SHISA7: variants seen among roughly 807,000 people sequenced by gnomAD.
SHISA7 encodes the protein shisa family member 7, also known as protein shisa-7.
In SHISA7, 6 loss-of-function variants were observed where a neutral mutation model predicts 23.9. That is an observed-to-expected ratio of 0.25 (90% CI 0.14 to 0.50). SHISA7 has a LOEUF of 0.50. SHISA7 is among the 20% of genes least tolerant of loss of function. SHISA7 has a pLI of 0.98. For synonymous variants in SHISA7, 386 were observed against 398.3 expected (o/e 0.97, Z 0.37); for missense variants, 671 against 801.1 (o/e 0.84, Z 1.96).
At position 55,433,387 on chromosome 19, in the gene SHISA7, TG is replaced by T. The variant is rs1234226395; in HGVS notation, c.1385del (p.Pro462GlnfsTer75). 7.5e-7 allele frequency: 1 copy of T among 1,332,582 alleles called. No individual in the cohort carries two copies. Among genetic ancestry groups the T allele is most frequent in the Non-Finnish European group, 9.5e-7 (1 of 1,050,554 alleles). The allele number at this position is 1,332,582 out of a possible 1,614,324, so 82.5% of individuals were successfully genotyped here. A position where few individuals can be genotyped will look rare whatever the true frequency, so the allele number is the denominator to read the frequency against. Reference sequence around the variant, plus strand: ...GTGGCGGCAGCCCGCGCAGCGGTGTTGGGGGCCCCCCGGGCCCCAGCAGCAG... The same window carrying T: ...GTGGCGGCAGCCCGCGCAGCGGTGTTGGGGCCCCCCGGGCCCCAGCAGCAG... ...SNLLLGPGGP[P>X]TPLRGLPPPS... On this transcript the variant is annotated frameshift_variant, in exon 4 of 4. Transcript: ENST00000376325. LOFTEE classifies it low-confidence loss of function (END_TRUNC). The surrounding 1 kb of genome is among the most constrained non-coding windows in gnomAD (Gnocchi z 8.4).
chr19:55,438,731 C>G, intron 2 of SHISA7: 2 of 833,694 alleles, frequency 2.4e-6, no homozygotes, highest in Non-Finnish European at 1.8e-6. Flanking sequence ...GTCGGCCCCA[C>G]ATGCAGGACC....
rs1985118749 is a variant in SHISA7, at chr19:55,429,518, C to T, written c.*3638G>A. On this transcript the variant is annotated 3_prime_UTR_variant, in exon 4 of 4. Transcript: ENST00000376325. Reference sequence around the variant, plus strand: ...CCCCATTTCCTCAGTGTGGTGGGAACCAAGGGCCAGTTGTCTGCCCCAAGC... The same window carrying T: ...CCCCATTTCCTCAGTGTGGTGGGAATCAAGGGCCAGTTGTCTGCCCCAAGC... The T allele has an allele frequency of 6.6e-6, 1 of 152,162 alleles. No homozygotes were observed. Among genetic ancestry groups the T allele is most frequent in the African/African-American group, 2.4e-5 (1 of 41,406 alleles). The allele number at this position is 152,162 out of a possible 1,614,324, so 9.4% of individuals were successfully genotyped here.
In SHISA7 at chr19:55,433,571, G is replaced by A. The variant is rs1373798173; in HGVS notation, c.1202C>T (p.Thr401Met). ...GDGGRSRYEFTLPRARLVSQE... is the reference protein window; with the variant it reads ...GDGGRSRYEFMLPRARLVSQE... Reference sequence around the variant, plus strand: ...CGACACCAGGCGCGCGCGCGGCAGCGTGAACTCGTAGCGCGAACGGCCACC... The same window carrying A: ...CGACACCAGGCGCGCGCGCGGCAGCATGAACTCGTAGCGCGAACGGCCACC... Residue 401 changes from threonine (T) to methionine (M), a missense_variant, in exon 4 of 4, where the codon ACG becomes ATG. Coordinates refer to ENST00000376325, the MANE Select transcript of SHISA7 (RefSeq NM_001145176.2). This position sits in a 1 kb window ranked among gnomAD's most constrained non-coding sequence, Gnocchi z 8.4. 7 of 1,497,310 alleles carry A rather than the reference G, an allele frequency of 4.7e-6. No individual in the cohort carries two copies. Among genetic ancestry groups the A allele is most frequent in the Non-Finnish European group, 5.3e-6 (6 of 1,129,512 alleles). The allele number at this position is 1,497,310 out of a possible 1,614,324, so 92.8% of individuals were successfully genotyped here. A position where few individuals can be genotyped will look rare whatever the true frequency, so the allele number is the denominator to read the frequency against.
rs1178202239 is a variant in SHISA7, at chr19:55,432,789, A to G, written c.*367T>C. On this transcript the variant is annotated 3_prime_UTR_variant, in exon 4 of 4. Coordinates refer to ENST00000376325, the MANE Select transcript of SHISA7 (RefSeq NM_001145176.2). This position sits in a 1 kb window ranked among gnomAD's most constrained non-coding sequence, Gnocchi z 4.6. ...CCACAAGAAGGAAGCCTCTGAGGAC[A>G]CCATAGAACATGGACATGGCCTCCA... 3 of 198,144 alleles carry G rather than the reference A, an allele frequency of 1.5e-5. No individual in the cohort carries two copies. Among genetic ancestry groups the G allele is most frequent in the Non-Finnish European group, 3.1e-5 (3 of 97,702 alleles). The allele number at this position is 198,144 out of a possible 1,614,324, so 12.3% of individuals were successfully genotyped here. A position where few individuals can be genotyped will look rare whatever the true frequency, so the allele number is the denominator to read the frequency against.
At chr19:55,437,456 C>G in intron 3 of SHISA7, 149 bp downstream of exon 3, 2 of 1,045,322 alleles carry the variant, frequency 1.9e-6, no homozygotes, top group Non-Finnish European at 2.6e-6. Context: ...ACAAAAGTAC[C>G]ACAGGTAATT....
rs960408639 is a variant in SHISA7, at chr19:55,431,591, G to C, written c.*1565C>G. ...ATCCTGGGGAAGGATTCCATCCTCA[G>C]ACATGGGTAACACTTGACCCCGGGT... On this transcript the variant is annotated 3_prime_UTR_variant, in exon 4 of 4. Coordinates refer to ENST00000376325, the MANE Select transcript of SHISA7 (RefSeq NM_001145176.2). 1 of 152,134 alleles carries C rather than the reference G, an allele frequency of 6.6e-6. No homozygotes were observed. The highest frequency in any genetic ancestry group is 2.4e-5 in the African/African-American group (1 of 41,368). The allele number at this position is 152,134 out of a possible 1,614,324, so 9.4% of individuals were successfully genotyped here.
In SHISA7 at chr19:55,433,777, C is replaced by A. The variant is rs754421920; in HGVS notation, c.996G>T (p.Glu332Asp). Residue 332 changes from glutamate (E) to aspartate (D), a missense_variant, in exon 4 of 4, where the codon GAG becomes GAT. By Grantham distance (45) the Glu-to-Asp change is conservative. This residue lies in a region of SHISA7 where 457 missense variants were observed against 488.3 expected (regional missense o/e 0.94). Coordinates refer to ENST00000376325, the MANE Select transcript of SHISA7 (RefSeq NM_001145176.2). This position sits in a 1 kb window ranked among gnomAD's most constrained non-coding sequence, Gnocchi z 8.4. ...CCAGGGGCCGGCGCTTCAGGTAGGC[C>A]TCGTCCAGATCCTTCTCGGCTGCGG... ...LKRLAEKDLD[E>D]AYLKRRPLEL... 3 of 1,436,546 alleles carry A rather than the reference C, an allele frequency of 2.1e-6. No individual in the cohort carries two copies. The highest frequency in any genetic ancestry group is 2.8e-5 in the South Asian group (2 of 71,024). The allele number at this position is 1,436,546 out of a possible 1,614,324, so 89.0% of individuals were successfully genotyped here. A position where few individuals can be genotyped will look rare whatever the true frequency, so the allele number is the denominator to read the frequency against.
chr19:55,433,735 C>A lies in SHISA7; in HGVS notation c.1038G>T (p.Thr346=), dbSNP rs1203199159. The part of the protein sequence containing the change: ...KRRPLELPRG[T]LPLHALRRPG... ...GCCGCCGCAGCGCGTGCAGGGGCAG[C>A]GTGCCGCGGGGCAATTCCAGGGGCC... The change falls in exon 4 of 4, where the codon ACG becomes ACT. Residue 346 remains threonine, a synonymous_variant. Coordinates refer to ENST00000376325, the MANE Select transcript of SHISA7 (RefSeq NM_001145176.2). This position sits in a 1 kb window ranked among gnomAD's most constrained non-coding sequence, Gnocchi z 8.4. 2.7e-6 allele frequency: 4 copies of A among 1,466,032 alleles called. No individual in the cohort carries two copies. The highest frequency in any genetic ancestry group is 3.6e-6 in the Non-Finnish European group (4 of 1,117,506). The allele number at this position is 1,466,032 out of a possible 1,614,324, so 90.8% of individuals were successfully genotyped here.
At chr19:55,442,155 C>T (rs960140705) in intron 1 of SHISA7, 38 bp downstream of exon 1, 55 of 1,494,720 alleles carry the variant, frequency 3.7e-5, no homozygotes, top group Admixed American at 8.4e-5. Context: ...TGGGCCCCGC[C>T]CCAGGCTCGC....
At chr19:55,435,117 T>A (rs796205798) in intron 3 of SHISA7, among the ~76,000 whole-genome samples, 1 of 124,128 alleles carries the variant, frequency 8.1e-6, no homozygotes. Context: ...GTGTGTGGTG[T>A]GTGTGGTGTG....
rs1464450001 is a variant in SHISA7 at position 55,442,323 on chromosome 19, G to A, written c.541C>T (p.Pro181Ser). The A allele has an allele frequency of 2.0e-6, 3 of 1,493,052 alleles. No individual in the cohort carries two copies. Among genetic ancestry groups the A allele is most frequent in the African/African-American group, 2.9e-5 (2 of 68,664 alleles). 92.5% of individuals were successfully genotyped at this position (1,493,052 alleles called of 1,614,324 possible). Reference protein sequence around the residue: ...GGAGGRGGEGPGGSTAYVVCG... With the variant: ...GGAGGRGGEGSGGSTAYVVCG... ...ACGACGTAGGCTGTGCTGCCCCCGG[G>A]GCCCTCGCCCCCGCGGCCCCCGGCA... The change falls in exon 1 of 4, where the codon CCC becomes TCC. Residue 181 changes from proline to serine, a missense_variant. By Grantham distance (74) the Pro-to-Ser change is moderately conservative. Coordinates refer to ENST00000376325, the MANE Select transcript of SHISA7 (RefSeq NM_001145176.2).
chr19:55,434,384 GGTGTGTGGTT>G (rs1985310450), intron 3 of SHISA7, among the ~76,000 whole-genome samples: 1 of 127,302 alleles, frequency 7.9e-6, no homozygotes. Flanking sequence ...TGTGTATGTG[GGTGTGTGGTT>G]TGTGTGTGGT....
In SHISA7 at chr19:55,440,616, T is replaced by C. The variant is rs1187385674; in HGVS notation, c.821A>G (p.Asn274Ser). The C allele has an allele frequency of 2.4e-6, 3 of 1,249,316 alleles. No homozygotes were observed. The African/African-American group carries it at 4.7e-5, about 19-fold the overall frequency. The allele number at this position is 1,249,316 out of a possible 1,614,324, so 77.4% of individuals were successfully genotyped here. The change falls in exon 2 of 4, where the codon AAC becomes AGC. Residue 274 changes from asparagine (N) to serine (S), a missense_variant. By Grantham distance (46) the Asn-to-Ser change is conservative. Coordinates refer to ENST00000376325, the MANE Select transcript of SHISA7 (RefSeq NM_001145176.2). ...KNLYNTVKTP[N>S]LDWRALPPPS... is the part of the protein sequence containing the mutation. ...GGATCCCACGTTCCACTCACCGAGG[T>C]TGGGGGTCTTCACGGTGTTGTAGAG...
chr19:55,442,900 C>T lies in SHISA7; in HGVS notation c.-37G>A. ...GGGGTCGCACTGGGCCGCCAGGCTG[C>T]GGGGAGAACGAGAGCAGAGGTTGGA... On this transcript the variant is annotated 5_prime_UTR_variant, in exon 1 of 4. Coordinates refer to ENST00000376325, the MANE Select transcript of SHISA7 (RefSeq NM_001145176.2). 4 of 1,189,232 alleles carry T rather than the reference C, an allele frequency of 3.4e-6. No individual in the cohort carries two copies. Among genetic ancestry groups the T allele is most frequent in the Non-Finnish European group, 4.2e-6 (4 of 956,512 alleles). The allele number at this position is 1,189,232 out of a possible 1,614,324, so 73.7% of individuals were successfully genotyped here.
In SHISA7 at chr19:55,433,600, G is replaced by A; in HGVS notation, c.1173C>T (p.Gly391=). 6.7e-7 allele frequency: 1 copy of A among 1,497,570 alleles called. No homozygotes were observed. The highest frequency in any genetic ancestry group is 1.2e-5 in the South Asian group (1 of 80,194). 92.8% of individuals were successfully genotyped at this position (1,497,570 alleles called of 1,614,324 possible). Residue 391 remains glycine, a synonymous_variant, in exon 4 of 4, where the codon GGC becomes GGT. Transcript: ENST00000376325. The surrounding 1 kb of genome is among the most constrained non-coding windows in gnomAD (Gnocchi z 8.4). Reference sequence around the variant, plus strand: ...ACTCGTAGCGCGAACGGCCACCATCGCCCAGCAGGTGCTCCTGGGACATGA... The same window carrying A: ...ACTCGTAGCGCGAACGGCCACCATCACCCAGCAGGTGCTCCTGGGACATGA... ...RRVMSQEHLL[G]DGGRSRYEFT...
chr19:55,438,730 A>C (rs751420253), intron 2 of SHISA7: 766 of 854,902 alleles, frequency 9.0e-4, no homozygotes, highest in Middle Eastern at 1.6e-3. Context: ...GGTCGGCCCC[A>C]CATGCAGGAC....
In SHISA7 at chr19:55,433,119, C is replaced by A; in HGVS notation, c.*37G>T. Reference sequence around the variant, plus strand: ...GGGGGATCCAGGCTGGGACGGGGGGCCCGGGAGGCCGCAGCCCCCCAGACC... The same window carrying A: ...GGGGGATCCAGGCTGGGACGGGGGGACCGGGAGGCCGCAGCCCCCCAGACC... On this transcript the variant is annotated 3_prime_UTR_variant, in exon 4 of 4. Coordinates refer to ENST00000376325, the MANE Select transcript of SHISA7 (RefSeq NM_001145176.2). The surrounding 1 kb of genome is among the most constrained non-coding windows in gnomAD (Gnocchi z 8.4). The A allele has an allele frequency of 6.7e-7, 1 of 1,495,140 alleles. No homozygotes were observed. The highest frequency in any genetic ancestry group is 1.2e-5 in the South Asian group (1 of 80,072). The allele number at this position is 1,495,140 out of a possible 1,614,324, so 92.6% of individuals were successfully genotyped here.
intron 2 of SHISA7, among the ~76,000 whole-genome samples, chr19:55,440,068 A>T (rs1204895512): frequency 6.6e-6 from 1 of 151,888 alleles, no homozygotes; most frequent in Non-Finnish European, 1.5e-5. Context: ...CCACACTTAC[A>T]TAGTATTTTT....
At position 55,432,199 on chromosome 19, in the gene SHISA7, C is replaced by T. The variant is rs1232886376; in HGVS notation, c.*957G>A. 6.5e-6 allele frequency: 1 copy of T among 152,812 alleles called. No homozygotes were observed. Among genetic ancestry groups the T allele is most frequent in the Non-Finnish European group, 1.5e-5 (1 of 68,208 alleles). The allele number at this position is 152,812 out of a possible 1,614,324, so 9.5% of individuals were successfully genotyped here. On this transcript the variant is annotated 3_prime_UTR_variant, in exon 4 of 4. Transcript: ENST00000376325. This position sits in a 1 kb window ranked among gnomAD's most constrained non-coding sequence, Gnocchi z 4.6. The stretch of plus-strand genomic sequence containing the variant: ...TTCAGACAACATCTCAGGACAGGGC[C>T]CCTCTCTGCTCTCTGGCATCTTCCC...
Sources: allele counts gnomAD v4.1 joint callset (sites outside exome capture counted in the v4.1 genomes callset), GRCh38; gene constraint gnomAD v4.1.1; regional missense constraint gnomAD v4.1.1; non-coding constraint Gnocchi (gnomAD v3.1); transcripts MANE v1.5; gene names NCBI Gene and HGNC (gene_info 2026-07-23, HGNC 2026-07-21).